ADGRL2: variants seen among roughly 807,000 people sequenced by gnomAD.
ADGRL2 encodes adhesion G protein-coupled receptor L2.
Under a neutral mutation model 157.4 loss-of-function variants are expected in ADGRL2, and 44 were observed. That is an observed-to-expected ratio of 0.28 (90% CI 0.22 to 0.36). The LOEUF (loss-of-function observed/expected upper bound fraction) is 0.36, where lower values mean the gene tolerates loss of function less well. Ranked by LOEUF, ADGRL2 falls within the 10% of genes least tolerant of loss-of-function variation. ADGRL2 has a pLI of 1.00. For synonymous variants in ADGRL2, 585 were observed against 624.7 expected (o/e 0.94, Z 0.95); for missense variants, 1,510 against 1,768.9 (o/e 0.85, Z 2.63).
intron 1 of ADGRL2, among the ~76,000 whole-genome samples, chr1:81,381,573 A>T (rs1038185503): frequency 6.6e-6 from 1 of 152,166 alleles, no homozygotes; most frequent in African/African-American, 2.4e-5. Context: ...ATTTTGTCTC[A>T]AAGGAAAAAA....
chr1:81,463,137 AAAAG>A (rs1208247066), intron 2 of ADGRL2, among the ~76,000 whole-genome samples: 7 of 149,046 alleles, frequency 4.7e-5, no homozygotes, highest in Admixed American at 6.8e-5. Flanking sequence ...AAAAAAAAGA[AAAAG>A]AAAAGAAAAA....
At chr1:81,754,437 C>T (rs897541399) in intron 1 of ADGRL2, among the ~76,000 whole-genome samples, 1 of 143,244 alleles carries the variant, frequency 7.0e-6, no homozygotes, top group African/African-American at 2.5e-5. Flanking sequence ...TTCTCCTCCT[C>T]CTTCTCCTCC....
At chr1:81,536,128 A>G (rs554291925) in intron 2 of ADGRL2, among the ~76,000 whole-genome samples, 4 of 152,280 alleles carry the variant, frequency 2.6e-5, no homozygotes, top group African/African-American at 7.2e-5. Flanking sequence ...TTACATTTTT[A>G]CTTATATTCA....
At chr1:81,620,291 G>A (rs1183682373) in intron 3 of ADGRL2, among the ~76,000 whole-genome samples, 4 of 152,138 alleles carry the variant, frequency 2.6e-5, no homozygotes, top group African/African-American at 4.8e-5. Flanking sequence ...AAAGTAGAAT[G>A]TACATAATAC....
chr1:81,563,048 T>C (rs369136568), intron 2 of ADGRL2, among the ~76,000 whole-genome samples: 23 of 152,312 alleles, frequency 1.5e-4, no homozygotes, highest in African/African-American at 5.3e-4. Flanking sequence ...GGTGCTGTAA[T>C]ACACTGTATT....
chr1:81,599,653 A>G (rs191033479), intron 3 of ADGRL2, among the ~76,000 whole-genome samples: 5 of 152,330 alleles, frequency 3.3e-5, no homozygotes, highest in Admixed American at 2.6e-4. Context: ...TCATCTTTCC[A>G]TACAGTTTAA....
intron 2 of ADGRL2, chr1:81,503,601 G>A: frequency 1.0e-6 from 1 of 977,798 alleles, no homozygotes; most frequent in South Asian, 1.6e-5. Flanking sequence ...GTTTGGACGT[G>A]TCCGTCTGTC....
chr1:81,662,373 A>C (rs2082669611), intron 3 of ADGRL2, among the ~76,000 whole-genome samples: 1 of 148,612 alleles, frequency 6.7e-6, no homozygotes, highest in Non-Finnish European at 1.5e-5. Flanking sequence ...CTCATGCCTT[A>C]GCCTCCCTAG....
At chr1:81,385,617 T>A (rs993568726) in intron 1 of ADGRL2, among the ~76,000 whole-genome samples, 2 of 151,200 alleles carry the variant, frequency 1.3e-5, no homozygotes, top group African/African-American at 4.9e-5. Context: ...AAATCCTAGA[T>A]AATATTTAAT....
At chr1:81,534,475 T>G (rs1218742502) in intron 2 of ADGRL2, among the ~76,000 whole-genome samples, 1 of 152,224 alleles carries the variant, frequency 6.6e-6, no homozygotes, top group South Asian at 2.1e-4. Flanking sequence ...TTACAAGTTA[T>G]TTTAGAAGAA....
At chr1:81,790,231 T>C (rs1482510196) in intron 2 of ADGRL2, among the ~76,000 whole-genome samples, 1 of 152,044 alleles carries the variant, frequency 6.6e-6, no homozygotes, top group Non-Finnish European at 1.5e-5. Flanking sequence ...CTGCTTTCCT[T>C]GAGATATTTC....
Position 81,565,245 on chromosome 1 carries a change from T to A in ADGRL2, c.-247-15631T>A, listed in dbSNP as rs146256327. ...TGAAGTTTAAATAAGATGACGTATG[T>A]GACAGGATTTTGTTAACTAGAAAGT... On this transcript the variant is annotated intron_variant, in intron 2 of 24. Coordinates refer to the ADGRL2 transcript ENST00000370721. 2.4e-3 allele frequency among the ~76,000 whole-genome samples: 361 copies of A among 152,268 alleles called. 2 individuals carry two copies. The highest frequency in any genetic ancestry group is 8.1e-3 in the African/African-American group (335 of 41,546).
At chr1:81,554,799 G>A (rs1001715235) in intron 2 of ADGRL2, among the ~76,000 whole-genome samples, 27 of 151,816 alleles carry the variant, frequency 1.8e-4, no homozygotes, top group African/African-American at 6.5e-4. Context: ...GTGTCAGGCT[G>A]GTAATCACAG....
intron 3 of ADGRL2, among the ~76,000 whole-genome samples, chr1:81,632,153 CAAAGT>C (rs1319420130): frequency 1.3e-5 from 2 of 152,082 alleles, no homozygotes; most frequent in South Asian, 2.1e-4. Context: ...ACAAAACAGA[CAAAGT>C]AAAGCCCCTA....
chr1:81,982,518 T>C (rs566109426), intron 19 of ADGRL2, among the ~76,000 whole-genome samples: 2 of 152,094 alleles, frequency 1.3e-5, no homozygotes, highest in South Asian at 2.1e-4. Flanking sequence ...AGCTTTAATC[T>C]GTAGCAAGAA....
At position 81,991,760 on chromosome 1, in the gene ADGRL2, G is replaced by T. The variant is rs529702923; in HGVS notation, c.*615G>T. 1 of 152,506 alleles carries T rather than the reference G, an allele frequency of 6.6e-6. No homozygotes were observed. The highest frequency in any genetic ancestry group is 1.5e-5 in the Non-Finnish European group (1 of 67,996). 9.4% of individuals were successfully genotyped at this position (152,506 alleles called of 1,614,324 possible). On this transcript the variant is annotated 3_prime_UTR_variant, in exon 24 of 24. Transcript: ENST00000686636. The stretch of plus-strand genomic sequence containing the variant: ...ACTATTCTCATGAAAAATGGCTAAA[G>T]AAATTATATTTTGTTCTATTGCTAG...
intron 2 of ADGRL2, among the ~76,000 whole-genome samples, chr1:81,574,875 C>G (rs1360739803): frequency 6.6e-6 from 1 of 152,132 alleles, no homozygotes; most frequent in Admixed American, 6.6e-5. Flanking sequence ...TAATGAGAAA[C>G]ATTATATACT....
At chr1:81,689,330 T>C (rs1052330358) in intron 3 of ADGRL2, among the ~76,000 whole-genome samples, 4 of 152,160 alleles carry the variant, frequency 2.6e-5, no homozygotes, top group African/African-American at 9.7e-5. Context: ...TCTAAAGATT[T>C]GTTCCTTTAT....
intron 2 of ADGRL2, among the ~76,000 whole-genome samples, chr1:81,859,406 C>A (rs1311045067): frequency 3.2e-5 from 4 of 124,922 alleles, no homozygotes; most frequent in African/African-American, 1.2e-4. Context: ...AGAATAAAAC[C>A]TTTTTTTTTT....
Sources: allele counts gnomAD v4.1 joint callset (sites outside exome capture counted in the v4.1 genomes callset), GRCh38; gene constraint gnomAD v4.1.1; transcripts MANE v1.5; gene names NCBI Gene and HGNC (gene_info 2026-07-23, HGNC 2026-07-21).